Variants in RBM47 observed in about 807,000 individuals in gnomAD.
The protein encoded by RBM47 is RNA binding motif protein 47, also known as RNA-binding protein 47.
RBM47 carries 21 observed loss-of-function variants against 47.1 expected under a neutral mutation model. That is an observed-to-expected ratio of 0.45 (90% CI 0.32 to 0.64). The LOEUF (loss-of-function observed/expected upper bound fraction) is 0.64, where lower values mean the gene tolerates loss of function less well. Among genes scored for constraint, RBM47 ranks in the 30% least tolerant of loss-of-function variants. The pLI, the probability that RBM47 is intolerant of heterozygous loss-of-function variation, is 0.05. For missense variants in RBM47, 708 were observed against 870.9 expected (o/e 0.81, Z 2.35); for synonymous variants, 375 against 361.7 (o/e 1.04, Z -0.42).
intron 2 of RBM47, among the ~76,000 whole-genome samples, chr4:40,521,832 T>C (rs1288147473): frequency 6.6e-6 from 1 of 152,136 alleles, no homozygotes; most frequent in Non-Finnish European, 1.5e-5. Context: ...GTGTACTGCC[T>C]ATGAGTTAGC....
At chr4:40,488,771 C>A (rs1001916535) in intron 2 of RBM47, among the ~76,000 whole-genome samples, 4 of 152,132 alleles carry the variant, frequency 2.6e-5, no homozygotes, top group Non-Finnish European at 5.9e-5. Flanking sequence ...GCCCATCTGA[C>A]CTAACAACAA....
At chr4:40,493,359 AG>A (rs1334065502) in intron 2 of RBM47, among the ~76,000 whole-genome samples, 1 of 152,208 alleles carries the variant, frequency 6.6e-6, no homozygotes, top group East Asian at 1.9e-4. Flanking sequence ...AGGAGGAGGA[AG>A]AAGGCATTCT....
intron 2 of RBM47, among the ~76,000 whole-genome samples, chr4:40,528,150 T>A (rs7665507): frequency 2.0e-5 from 3 of 152,154 alleles, no homozygotes; most frequent in Non-Finnish European, 4.4e-5. Context: ...TGGTGGCTCA[T>A]GCCTGTAATC....
chr4:40,537,721 T>A (rs1292697688), intron 2 of RBM47, among the ~76,000 whole-genome samples: 2 of 152,328 alleles, frequency 1.3e-5, no homozygotes, highest in East Asian at 3.9e-4. Context: ...AAAGCAGATC[T>A]CAGCAACATC....
intron 2 of RBM47, chr4:40,543,221 A>G (rs1191990995): frequency 2.0e-5 from 3 of 152,332 alleles, no homozygotes; most frequent in Non-Finnish European, 2.9e-5. Context: ...CACATTTAAC[A>G]TGAACATGGA....
intron 2 of RBM47, among the ~76,000 whole-genome samples, chr4:40,533,277 T>C (rs1727587972): frequency 6.6e-6 from 1 of 151,644 alleles, no homozygotes; most frequent in Non-Finnish European, 1.5e-5. Context: ...CTACTAAAAA[T>C]ACAAAAATTA....
At chr4:40,530,227 T>A (rs914136569) in intron 2 of RBM47, among the ~76,000 whole-genome samples, 5 of 151,334 alleles carry the variant, frequency 3.3e-5, no homozygotes, top group Non-Finnish European at 4.4e-5. Flanking sequence ...TGAGGCACCA[T>A]GCCTGGACGA....
At chr4:40,590,558 T>A in intron 1 of RBM47, among the ~76,000 whole-genome samples, 1 of 152,288 alleles carries the variant, frequency 6.6e-6, no homozygotes, top group Admixed American at 6.5e-5. Flanking sequence ...ACCTGGTGAA[T>A]GACATTGTGA....
chr4:40,438,079 C>T lies in RBM47; in HGVS notation c.815G>A (p.Gly272Asp), dbSNP rs1005365821. The change falls in exon 4 of 7, where the codon GGC (glycine) becomes GAC (aspartate). Residue 272 changes from glycine (G) to aspartate (D), a missense_variant. Physicochemically the swap from Gly to Asp is moderately conservative, Grantham distance 94 (BLOSUM62 -1). Coordinates refer to ENST00000295971, the MANE Select transcript of RBM47 (RefSeq NM_001098634.2). The stretch of plus-strand genomic sequence containing the variant: ...GATCTTCTTGACGCGCTCCACGCAG[C>T]CGGGGTTGAACTGGCCGAAGCTCTT... ...IKKSFGQFNP[G>D]CVERVKKIRD... 3 of 1,613,660 alleles carry T rather than the reference C, an allele frequency of 1.9e-6. No homozygotes were observed. The African/African-American group carries it at 4.0e-5, about 22-fold the overall frequency.
At chr4:40,567,614 G>C (rs1731223304) in intron 1 of RBM47, among the ~76,000 whole-genome samples, 1 of 151,980 alleles carries the variant, frequency 6.6e-6, no homozygotes, top group Non-Finnish European at 1.5e-5. Context: ...CATGGTTTTT[G>C]GGTGGCCCAT....
rs1577781021 is a variant in RBM47 at position 40,491,748 on chromosome 4, C to T, written c.-154-25049G>A. The T allele has an allele frequency of 1.7e-5, 3 of 178,048 alleles. No homozygotes were observed. The East Asian group carries it at 4.5e-4, about 26-fold the overall frequency. The allele number at this position is 178,048 out of a possible 1,614,324, so 11.0% of individuals were successfully genotyped here. A position where few individuals can be genotyped will look rare whatever the true frequency, so the allele number is the denominator to read the frequency against. ...TGCAGAAGCCAAATGACAAAGAGAA[C>T]GTCATCGTCTGGAAAGCATCGCAAT... On this transcript the variant is annotated intron_variant, in intron 2 of 6. Transcript: ENST00000295971.
chr4:40,505,918 A>C (rs1187438940), intron 2 of RBM47, among the ~76,000 whole-genome samples: 3 of 151,196 alleles, frequency 2.0e-5, no homozygotes, highest in African/African-American at 7.3e-5. Context: ...AACAAAACAA[A>C]AAACAAAAAA....
At chr4:40,600,122 CCTCAG>C (rs1735110009) in intron 1 of RBM47, among the ~76,000 whole-genome samples, 1 of 152,096 alleles carries the variant, frequency 6.6e-6, no homozygotes, top group Non-Finnish European at 1.5e-5. Flanking sequence ...GATCCTCCCA[CCTCAG>C]CCTCCTGAGC....
chr4:40,588,992 CTTTTTTTTT>C (rs34195998), intron 1 of RBM47, among the ~76,000 whole-genome samples: 4 of 79,446 alleles, frequency 5.0e-5, no homozygotes, highest in Non-Finnish European at 7.4e-5. Context: ...TAAAGCGTTT[CTTTTTTTTT>C]TTTTTTTTTT....
At chr4:40,440,680 A>G (rs1713486300) in intron 3 of RBM47, among the ~76,000 whole-genome samples, 1 of 152,186 alleles carries the variant, frequency 6.6e-6, no homozygotes, top group South Asian at 2.1e-4. Context: ...GCCAGACTGC[A>G]TATGTTTGTT....
At chr4:40,519,481 G>A (rs1725966504) in intron 2 of RBM47, among the ~76,000 whole-genome samples, 1 of 151,246 alleles carries the variant, frequency 6.6e-6, no homozygotes, top group Non-Finnish European at 1.5e-5. Flanking sequence ...ATTTTTAGTA[G>A]AGATGGGGTT....
intron 5 of RBM47, 37 bp from the exon 6 acceptor site, chr4:40,432,899 C>T (rs1711577365): frequency 2.5e-6 from 4 of 1,610,070 alleles, no homozygotes; most frequent in South Asian, 2.2e-5. Context: ...AGGTCAATCA[C>T]TTTCAGTCGC....
intron 2 of RBM47, among the ~76,000 whole-genome samples, chr4:40,498,349 CTTGGGAATTCTT>C (rs1722920224): frequency 6.6e-6 from 1 of 151,960 alleles, no homozygotes; most frequent in African/African-American, 2.4e-5. Flanking sequence ...AGGAATTCCT[CTTGGGAATTCTT>C]GAAAAGCAAA....
chr4:40,434,332 G>A (rs1360935632), intron 5 of RBM47, among the ~76,000 whole-genome samples: 1 of 152,090 alleles, frequency 6.6e-6, no homozygotes, highest in African/African-American at 2.4e-5. Flanking sequence ...TGGATGATCA[G>A]AAATAGACGC....
Sources: allele counts gnomAD v4.1 joint callset (sites outside exome capture counted in the v4.1 genomes callset), GRCh38; gene constraint gnomAD v4.1.1; transcripts MANE v1.5; gene names NCBI Gene and HGNC (gene_info 2026-07-23, HGNC 2026-07-21).